Variants in LAMA1 observed in about 807,000 individuals in gnomAD.
LAMA1 encodes laminin subunit alpha-1.
LAMA1 carries 219 observed loss-of-function variants against 348.7 expected under a neutral mutation model. The ratio of observed to expected loss-of-function variants is 0.63; its 90% CI spans 0.56 to 0.70. LAMA1 has a LOEUF of 0.70. Among genes scored for constraint, LAMA1 ranks in the 30% least tolerant of loss-of-function variants. The probability of loss-of-function intolerance (pLI) is 0.00; values close to 1 mark genes in which losing one functional copy is unlikely to be tolerated. For synonymous variants in LAMA1, 1,487 were observed against 1,491.0 expected (o/e 1.00, Z 0.06); for missense variants, 3,744 against 3,888.0 (o/e 0.96, Z 0.99).
Position 7,015,729 on chromosome 18 carries a change from C to T in LAMA1, c.3119G>A (p.Gly1040Glu), listed in dbSNP as rs756630470. 6.2e-7 allele frequency: 1 copy of T among 1,613,804 alleles called. No homozygotes were observed. The highest frequency in any genetic ancestry group is 1.1e-5 in the South Asian group (1 of 91,060). ...DGHWGYDAEVGCQACNCSLVG... is the reference protein window; with the variant it reads ...DGHWGYDAEVECQACNCSLVG... Reference sequence around the variant, plus strand: ...GTGGATGACAGTGCTCACCTGGCACCCCACCTCCGCATCGTAGCCCCAGTG... The same window carrying T: ...GTGGATGACAGTGCTCACCTGGCACTCCACCTCCGCATCGTAGCCCCAGTG... The change falls in exon 22 of 63, where the codon GGG becomes GAG. Residue 1040 changes from glycine (G) to glutamate (E), a missense_variant. By Grantham distance (98) the Gly-to-Glu change is moderately conservative. This residue lies in a region of LAMA1 where 1,529 missense variants were observed against 1,689.4 expected (regional missense o/e 0.91). Coordinates refer to ENST00000389658, the MANE Select transcript of LAMA1 (RefSeq NM_005559.4).
chr18:7,074,043 C>G (rs576631823), intron 3 of LAMA1, among the ~76,000 whole-genome samples: 1 of 152,030 alleles, frequency 6.6e-6, no homozygotes, highest in Admixed American at 6.6e-5. Flanking sequence ...CCATGTTGGC[C>G]GAGATGGTCT....
chr18:7,064,028 C>T lies in LAMA1; in HGVS notation c.346-13092G>A, dbSNP rs551359939. ...GCAGCCTCAAGTGCCCCTGTCCCAC[C>T]TGGCTCCCCCTGCTGATGTCTAGTG... On this transcript the variant is annotated intron_variant, in intron 3 of 62. Transcript: ENST00000389658. Among the ~76,000 whole-genome samples, 19 of 152,222 alleles carry T rather than the reference C, an allele frequency of 1.2e-4. No individual in the cohort carries two copies. In the South Asian group the frequency reaches 3.7e-3, roughly 30 times the overall value.
intron 14 of LAMA1, 88 bp from the exon 15 acceptor site, chr18:7,033,183 C>T (rs1305554993): frequency 1.5e-5 from 15 of 1,013,826 alleles, no homozygotes; most frequent in Non-Finnish European, 1.6e-5. Context: ...AGATTTAAAT[C>T]CGGCCGGGCG....
chr18:6,977,834 G>A lies in LAMA1; in HGVS notation c.6238C>T (p.Leu2080Phe), dbSNP rs199719835. Residue 2080 changes from leucine (L) to phenylalanine (F), a missense_variant, in exon 44 of 63, where the codon CTT becomes TTT. By Grantham distance (22) the Leu-to-Phe change is conservative (BLOSUM62 0). Transcript: ENST00000389658. ...KVKDVEIQAN[L>F]LFDRLKPLKM... ...AAAGGCTTCAACCGATCAAACAAAA[G>A]GTTGGCTTGAATTTCCACGTCTTTG... 2 of 1,613,898 alleles carry A rather than the reference G, an allele frequency of 1.2e-6. No homozygotes were observed. The highest frequency in any genetic ancestry group is 1.7e-5 in the Admixed American group (1 of 60,006).
intron 48 of LAMA1, among the ~76,000 whole-genome samples, chr18:6,966,869 C>T (rs1035725179): frequency 6.6e-6 from 1 of 152,140 alleles, no homozygotes; most frequent in Admixed American, 6.5e-5. Context: ...ATAATACGGC[C>T]CAGGGCATTT....
intron 3 of LAMA1, among the ~76,000 whole-genome samples, chr18:7,054,874 T>C (rs538338161): frequency 6.6e-6 from 1 of 152,302 alleles, no homozygotes; most frequent in South Asian, 2.1e-4. Flanking sequence ...CAATTTCTTT[T>C]CTCTAGCTTA....
In LAMA1 at chr18:6,985,571, C is replaced by T. The variant is rs776767584; in HGVS notation, c.5452G>A (p.Asp1818Asn). 7.4e-6 allele frequency: 12 copies of T among 1,614,186 alleles called. No homozygotes were observed. The East Asian group carries it at 2.7e-4, about 36-fold the overall frequency. The change falls in exon 38 of 63, where the codon GAT becomes AAT. Residue 1818 changes from aspartate (D) to asparagine (N), a missense_variant. Around this residue, in one of 3 missense-constraint regions of LAMA1, gnomAD observed 1,983 missense variants for 1,934.3 expected, o/e 1.03. Coordinates refer to ENST00000389658, the MANE Select transcript of LAMA1 (RefSeq NM_005559.4). ...GCATCTGTTTGTGCAGCAGCAGCAT[C>T]TATCAATCCTCTTCCTTGGACAATG... is the stretch of plus-strand genomic sequence containing the variant. ...ELIVQGRGLI[D>N]AAAAQTDAVQ...
In LAMA1 at chr18:6,992,549, T is replaced by C; in HGVS notation, c.5168+12A>G. 2 of 1,613,678 alleles carry C rather than the reference T, an allele frequency of 1.2e-6. No homozygotes were observed. The highest frequency in any genetic ancestry group is 1.7e-6 in the Non-Finnish European group (2 of 1,179,570). On this transcript the variant is annotated intron_variant, in intron 36 of 62. Transcript: ENST00000389658. ...TACTTGGTTGCATTGCACACAGTAA[T>C]TAGAAACTTACTTGAGTTCAAGGGT...
intron 60 of LAMA1, 45 bp downstream of exon 60, chr18:6,948,358 C>T: frequency 2.5e-6 from 4 of 1,613,120 alleles, no homozygotes; most frequent in Non-Finnish European, 3.4e-6. Context: ...CTTTAGAGTA[C>T]AGACTCATTC....
At chr18:6,980,152 T>C (rs2057704356) in intron 42 of LAMA1, among the ~76,000 whole-genome samples, 2 of 152,212 alleles carry the variant, frequency 1.3e-5, no homozygotes, top group Admixed American at 6.5e-5. Flanking sequence ...TGATAATGAA[T>C]CTGGCATTTT....
At chr18:6,993,045 T>C (rs2057765495) in intron 35 of LAMA1, among the ~76,000 whole-genome samples, 1 of 152,222 alleles carries the variant, frequency 6.6e-6, no homozygotes, top group African/African-American at 2.4e-5. Context: ...TCTCAATAAA[T>C]ATTTACTGCA....
At chr18:6,988,016 A>T (rs1473861252) in intron 36 of LAMA1, among the ~76,000 whole-genome samples, 1 of 152,142 alleles carries the variant, frequency 6.6e-6, no homozygotes, top group Non-Finnish European at 1.5e-5. Context: ...CAGGAGGCTG[A>T]GGTGGGAAAA....
rs763412312 is a variant in LAMA1, at chr18:6,977,783, T to C, written c.6289A>G (p.Arg2097Gly). The change falls in exon 44 of 63, where the codon AGA becomes GGA. Residue 2097 changes from arginine (R) to glycine (G), a missense_variant. Arg to Gly is a moderately radical substitution (Grantham distance 125, BLOSUM62 -2). This residue lies in a region of LAMA1 where 1,983 missense variants were observed against 1,934.3 expected (regional missense o/e 1.03). Transcript: ENST00000389658. The part of the protein sequence containing the change: ...PLKMLEENLS[R>G]NLSEIKLLIS... ...AACAGTTTAATTTCTGATAGGTTTC[T>C]GCTCAGATTCTCCTCTAACATCTTC... The C allele has an allele frequency of 6.2e-6, 10 of 1,614,198 alleles. No homozygotes were observed. The South Asian group carries it at 1.1e-4, about 18-fold the overall frequency.
chr18:7,049,326 G>T (rs567959483), intron 4 of LAMA1, 69 bp from the exon 5 acceptor site: 2 of 1,415,282 alleles, frequency 1.4e-6, no homozygotes, highest in Non-Finnish European at 2.0e-6. Context: ...TTGAGATGGC[G>T]TCTCGCTCTT....
chr18:7,043,080 AAT>A (rs995439693), intron 8 of LAMA1, 145 bp downstream of exon 8: 16 of 752,550 alleles, frequency 2.1e-5, no homozygotes, highest in East Asian at 7.8e-5. Context: ...TAGAGTAGGA[AAT>A]ATATATATAA....
intron 29 of LAMA1, among the ~76,000 whole-genome samples, chr18:7,003,005 C>T (rs1296121322): frequency 2.6e-5 from 4 of 151,718 alleles, no homozygotes; most frequent in Non-Finnish European, 5.9e-5. Context: ...CTCAGCCTCT[C>T]GAGTAGCTGG....
chr18:7,043,376 A>C lies in LAMA1; in HGVS notation c.1006T>G (p.Cys336Gly). The change falls in exon 8 of 63, where the codon TGT becomes GGT. Residue 336 changes from cysteine (C) to glycine (G), a missense_variant. Cys to Gly is a radical substitution (Grantham distance 159). This residue lies in a region of LAMA1 where 1,529 missense variants were observed against 1,689.4 expected (regional missense o/e 0.91). Coordinates refer to ENST00000389658, the MANE Select transcript of LAMA1 (RefSeq NM_005559.4). ...TTTGCAACACTTTCATCATAGTAAC[A>C]GTCTTTGGCTTTATTGTGACAATTA... ...ACNCHNKAKD[C>G]YYDESVAKQK... The C allele has an allele frequency of 6.2e-7, 1 of 1,613,782 alleles. No individual in the cohort carries two copies. The highest frequency in any genetic ancestry group is 8.5e-7 in the Non-Finnish European group (1 of 1,180,012).
chr18:7,026,243 G>A, intron 16 of LAMA1, 137 bp from the exon 17 acceptor site: 11 of 965,810 alleles, frequency 1.1e-5, no homozygotes, highest in Non-Finnish European at 1.8e-5. Flanking sequence ...AGCTATATGA[G>A]GAAGGCCTCC....
intron 46 of LAMA1, among the ~76,000 whole-genome samples, chr18:6,973,659 C>T (rs546889329): frequency 4.6e-5 from 7 of 152,328 alleles, no homozygotes; most frequent in Admixed American, 2.6e-4. Flanking sequence ...CTGTCCTTGA[C>T]TTAAGTGCAA....
Sources: allele counts gnomAD v4.1 joint callset (sites outside exome capture counted in the v4.1 genomes callset), GRCh38; gene constraint gnomAD v4.1.1; regional missense constraint gnomAD v4.1.1; transcripts MANE v1.5; gene names NCBI Gene and HGNC (gene_info 2026-07-23, HGNC 2026-07-21).